The following TRAM1 variants were observed in gnomAD, a reference collection of about 807,000 sequenced individuals.
The protein encoded by TRAM1 is translocating chain-associated membrane protein 1.
In TRAM1, 17 loss-of-function variants were observed where a neutral mutation model predicts 48.7. The observed-to-expected ratio is 0.35, with a 90% CI of 0.24 to 0.52. The LOEUF (loss-of-function observed/expected upper bound fraction) is 0.52, where lower values mean the gene tolerates loss of function less well. Ranked by LOEUF, TRAM1 falls within the 20% of genes least tolerant of loss-of-function variation. The pLI is 0.94. For missense variants in TRAM1, 351 were observed against 441.5 expected (o/e 0.79, Z 1.84); for synonymous variants, 182 against 154.0 (o/e 1.18, Z -1.34).
intron 6 of TRAM1, among the ~76,000 whole-genome samples, chr8:70,593,883 T>C (rs1418704780): frequency 2.0e-5 from 3 of 152,076 alleles, no homozygotes; most frequent in Non-Finnish European, 4.4e-5. Context: ...ACGACTTTTG[T>C]GATAGCATGG....
Position 70,606,938 on chromosome 8 carries a change from C to A in TRAM1, c.123+1139G>T. 3 of 820,320 alleles carry A rather than the reference C, an allele frequency of 3.7e-6. No individual in the cohort carries two copies. The South Asian group carries it at 1.5e-4, about 40-fold the overall frequency. The allele number at this position is 820,320 out of a possible 1,614,324, so 50.8% of individuals were successfully genotyped here. ...CTCAAGGATTCTTAACGTCGCTCAT[C>A]TTTTTTTAAGCACTCCTATGTCCCA... On this transcript the variant is annotated intron_variant, in intron 1 of 10. Transcript: ENST00000262213.
chr8:70,584,902 C>CT (rs1817174594), intron 8 of TRAM1, among the ~76,000 whole-genome samples: 1 of 152,174 alleles, frequency 6.6e-6, no homozygotes, highest in African/African-American at 2.4e-5. Flanking sequence ...CTACCAATGA[C>CT]TTTCTTCACA....
At chr8:70,580,555 G>C (rs1817054134) in intron 10 of TRAM1, among the ~76,000 whole-genome samples, 1 of 152,122 alleles carries the variant, frequency 6.6e-6, no homozygotes, top group African/African-American at 2.4e-5. Context: ...TCCTCAACCT[G>C]ATAAAGGTCA....
chr8:70,595,630 A>G (rs1177954910), intron 5 of TRAM1, among the ~76,000 whole-genome samples: 1 of 152,170 alleles, frequency 6.6e-6, no homozygotes, highest in Non-Finnish European at 1.5e-5. Flanking sequence ...AGACTTACAA[A>G]AATGAGACAA....
rs191344213 is a variant in TRAM1, at chr8:70,596,749, C to T, written c.427-428G>A. ...GGTGCTACCGAGTTTTATGGAATTACGTCAATAAAATACTGCCCCAATTTT... is the reference window on the plus strand; with the variant it reads ...GGTGCTACCGAGTTTTATGGAATTATGTCAATAAAATACTGCCCCAATTTT... On this transcript the variant is annotated intron_variant, in intron 4 of 10. Coordinates refer to ENST00000262213, the MANE Select transcript of TRAM1 (RefSeq NM_014294.6). Among the ~76,000 whole-genome samples, 27 of 147,100 alleles carry T rather than the reference C, an allele frequency of 1.8e-4. No individual in the cohort carries two copies. The East Asian group carries it at 2.6e-3, about 14-fold the overall frequency.
At chr8:70,582,289 ATT>A (rs749411995) in intron 10 of TRAM1, among the ~76,000 whole-genome samples, 3 of 143,206 alleles carry the variant, frequency 2.1e-5, no homozygotes, top group African/African-American at 5.1e-5. Flanking sequence ...AGGTTGTATA[ATT>A]TTTTTTTTTT....
chr8:70,598,725 T>C (rs1817542220), intron 2 of TRAM1, among the ~76,000 whole-genome samples: 1 of 152,200 alleles, frequency 6.6e-6, no homozygotes, highest in Admixed American at 6.5e-5. Flanking sequence ...GCAGCAGAGA[T>C]AAAGGCAACT....
intron 6 of TRAM1, 128 bp downstream of exon 6, chr8:70,594,378 A>T: frequency 5.9e-5 from 18 of 306,706 alleles, no homozygotes; most frequent in Non-Finnish European, 8.2e-5. Context: ...TGGGAGAATG[A>T]TGGGGTAAGA....
chr8:70,603,750 C>T (rs1817660755), intron 1 of TRAM1, among the ~76,000 whole-genome samples: 1 of 152,080 alleles, frequency 6.6e-6, no homozygotes, highest in South Asian at 2.1e-4. Flanking sequence ...AAATGAGATT[C>T]TTCAAAGATA....
In TRAM1 at chr8:70,574,773, C is replaced by T; in HGVS notation, c.*159G>A. ...ATTTTTTTCATTCATAGCAATAATC[C>T]TCCCCTCAAATGCCCTTTAAAAAAA... On this transcript the variant is annotated 3_prime_UTR_variant, in exon 11 of 11. Transcript: ENST00000262213. The T allele has an allele frequency of 1.8e-6, 1 of 567,758 alleles. No individual in the cohort carries two copies. The highest frequency in any genetic ancestry group is 2.3e-5 in the South Asian group (1 of 42,890). 35.2% of individuals were successfully genotyped at this position (567,758 alleles called of 1,614,324 possible).
intron 1 of TRAM1, among the ~76,000 whole-genome samples, chr8:70,600,850 G>A (rs1325463653): frequency 6.6e-6 from 1 of 152,064 alleles, no homozygotes; most frequent in East Asian, 1.9e-4. Flanking sequence ...CTGGAAAATA[G>A]GTGTTCCCTA....
At chr8:70,605,652 C>T (rs1817704403) in intron 1 of TRAM1, among the ~76,000 whole-genome samples, 1 of 152,194 alleles carries the variant, frequency 6.6e-6, no homozygotes, top group African/African-American at 2.4e-5. Flanking sequence ...CTAACCTAGT[C>T]TACAAAGTCC....
chr8:70,575,362 T>C (rs1207400070), intron 10 of TRAM1, among the ~76,000 whole-genome samples: 2 of 152,142 alleles, frequency 1.3e-5, no homozygotes, highest in East Asian at 1.9e-4. Context: ...TATAGTAAAG[T>C]TGGTGTTTAG....
chr8:70,608,346 A>C lies in TRAM1; in HGVS notation c.-147T>G. 2 of 1,016,082 alleles carry C rather than the reference A, an allele frequency of 2.0e-6. No individual in the cohort carries two copies. Among genetic ancestry groups the C allele is most frequent in the Non-Finnish European group, 2.6e-6 (2 of 757,172 alleles). The allele number at this position is 1,016,082 out of a possible 1,614,324, so 62.9% of individuals were successfully genotyped here. ...GGGCTTCACTTCCCATCCCACAGCC[A>C]GTACGCAGCCGCCGGGCCGCCCGGG... On this transcript the variant is annotated 5_prime_UTR_variant, in exon 1 of 11. Transcript: ENST00000262213.
At chr8:70,584,457 A>G (rs897736939) in intron 8 of TRAM1, among the ~76,000 whole-genome samples, 1 of 152,214 alleles carries the variant, frequency 6.6e-6, no homozygotes, top group Non-Finnish European at 1.5e-5. Context: ...AGAAGGAAAT[A>G]AAGGGTATTC....
chr8:70,606,990 A>G (rs900274122), intron 1 of TRAM1: 1 of 953,052 alleles, frequency 1.0e-6, no homozygotes, highest in Non-Finnish European at 1.2e-6. Context: ...CTGGAAATAC[A>G]GACTCGTAAA....
At chr8:70,607,392 G>C (rs953267963) in intron 1 of TRAM1, 2 of 985,348 alleles carry the variant, frequency 2.0e-6, no homozygotes, top group Non-Finnish European at 2.4e-6. Flanking sequence ...AGGGCAAAAA[G>C]TTCGTTAACT....
At position 70,580,492 on chromosome 8, in the gene TRAM1, C is replaced by CA. The variant is rs1817052620; in HGVS notation, c.1051+2671dup. ...TAGATGCAGGAAAAAAAGCAATTGA[C>CA]AAAATCTAACAACCTTCCATGATAA... is the stretch of plus-strand genomic sequence containing the variant. On this transcript the variant is annotated intron_variant, in intron 10 of 10. Coordinates refer to ENST00000262213, the MANE Select transcript of TRAM1 (RefSeq NM_014294.6). Among the ~76,000 whole-genome samples, 7 of 152,196 alleles carry CA rather than the reference C, an allele frequency of 4.6e-5. No homozygotes were observed. The South Asian group carries it at 1.5e-3, about 32-fold the overall frequency.
chr8:70,576,273 G>T (rs1319908871), intron 10 of TRAM1, among the ~76,000 whole-genome samples: 1 of 151,940 alleles, frequency 6.6e-6, no homozygotes, highest in Non-Finnish European at 1.5e-5. Context: ...TAAACCCAAT[G>T]AAAAGGAAAG....
Sources: allele counts gnomAD v4.1 joint callset (sites outside exome capture counted in the v4.1 genomes callset), GRCh38; gene constraint gnomAD v4.1.1; transcripts MANE v1.5; gene names NCBI Gene and HGNC (gene_info 2026-07-23, HGNC 2026-07-21).